The following CFAP74 variants were observed in gnomAD, a reference collection of about 807,000 sequenced individuals.
The protein encoded by CFAP74 is cilia- and flagella-associated protein 74.
In CFAP74, 124 loss-of-function variants were observed where a neutral mutation model predicts 188.9. That is an observed-to-expected ratio of 0.66 (90% confidence interval 0.57 to 0.76). The LOEUF (loss-of-function observed/expected upper bound fraction) is 0.76. CFAP74 is among the 30% of genes least tolerant of loss of function. The pLI, the probability that CFAP74 is intolerant of heterozygous loss-of-function variation, is 0.00. For missense variants in CFAP74, 2,198 were observed against 2,165.2 expected (o/e 1.02, Z -0.30); for synonymous variants, 956 against 916.7 (o/e 1.04, Z -0.77).
chr1:1,922,866 GA>G, intron 37 of CFAP74, 118 bp downstream of exon 37: 1 of 1,489,144 alleles, frequency 6.7e-7, no homozygotes, highest in Non-Finnish European at 9.0e-7. Flanking sequence ...GGAAGTCCGA[GA>G]AAAGCCCGGC....
chr1:1,940,498 G>A, intron 22 of CFAP74, 95 bp from the exon 23 acceptor site: 1 of 820,560 alleles, frequency 1.2e-6, no homozygotes, highest in Non-Finnish European at 1.9e-6. Flanking sequence ...CATCCCGTGA[G>A]AGCTACGGCG....
chr1:1,932,062 G>A (rs1346541525), intron 25 of CFAP74, among the ~76,000 whole-genome samples: 1 of 82,876 alleles, frequency 1.2e-5, no homozygotes, highest in Non-Finnish European at 2.1e-5. Context: ...TGAGACTCTC[G>A]CCTCAAAAAA....
chr1:1,969,774 C>G (rs552341620), intron 10 of CFAP74, among the ~76,000 whole-genome samples: 3 of 152,044 alleles, frequency 2.0e-5, no homozygotes, highest in Non-Finnish European at 4.4e-5. Flanking sequence ...GTGGGGAGGA[C>G]GCACTCAGGG....
At chr1:1,960,127 T>C (rs1358047672) in intron 14 of CFAP74, 97 bp from the exon 15 acceptor site, 3 of 1,038,782 alleles carry the variant, frequency 2.9e-6, no homozygotes, top group African/African-American at 1.7e-5. Flanking sequence ...CCTCCTGGCC[T>C]CCTCCCCATC....
chr1:1,975,910 G>A lies in CFAP74; in HGVS notation c.501-1712C>T, dbSNP rs916622242. Reference sequence around the variant, plus strand: ...GCAAGACGCTGTCCCAGATGCTGTCGTCGCCCATTCCTGCTGCTGTAGGAA... The same window carrying A: ...GCAAGACGCTGTCCCAGATGCTGTCATCGCCCATTCCTGCTGCTGTAGGAA... On this transcript the variant is annotated intron_variant, in intron 6 of 38. Transcript: ENST00000682832. This position sits in a 1 kb window ranked among gnomAD's most constrained non-coding sequence, Gnocchi z 4.5. 2.0e-5 allele frequency among the ~76,000 whole-genome samples: 3 copies of A among 152,130 alleles called. No homozygotes were observed. Among genetic ancestry groups the A allele is most frequent in the South Asian group, 2.1e-4 (1 of 4,830 alleles).
intron 13 of CFAP74, among the ~76,000 whole-genome samples, chr1:1,964,365 G>A (rs1159181784): frequency 1.3e-5 from 2 of 152,238 alleles, no homozygotes; most frequent in Admixed American, 6.5e-5. Context: ...CGGGGCCACG[G>A]CACCCCCATT....
At chr1:1,927,378 C>T (rs1186441291) in intron 28 of CFAP74, 5 of 583,508 alleles carry the variant, frequency 8.6e-6, no homozygotes, top group African/African-American at 1.9e-5. Flanking sequence ...TGGCTTTGCT[C>T]CCCACCCGTG....
At chr1:1,987,417 C>T (rs1657309058) in intron 4 of CFAP74, among the ~76,000 whole-genome samples, 1 of 152,190 alleles carries the variant, frequency 6.6e-6, no homozygotes, top group South Asian at 2.1e-4. Context: ...GAGAGCGGGC[C>T]AGGCAGGCCC....
chr1:1,926,968 G>C lies in CFAP74; in HGVS notation c.3588C>G (p.Asp1196Glu). 6.5e-7 allele frequency: 1 copy of C among 1,550,288 alleles called. No individual in the cohort carries two copies. The highest frequency in any genetic ancestry group is 2.4e-5 in the East Asian group (1 of 40,920). Residue 1196 changes from aspartate (D) to glutamate (E), a missense_variant, in exon 29 of 39, where the codon GAC (aspartate) becomes GAG (glutamate). Coordinates refer to ENST00000682832, the MANE Select transcript of CFAP74 (RefSeq NM_001304360.2). Reference sequence around the variant, plus strand: ...CAACAACACAGGGAACTACAAATGTGTCAAACTTCGCCTGGAACGCTCTGA... The same window carrying C: ...CAACAACACAGGGAACTACAAATGTCTCAAACTTCGCCTGGAACGCTCTGA... ...TLLRAFQAKF[D>E]TFVVPCVVAS...
chr1:1,923,094 A>G lies in CFAP74; in HGVS notation c.4574T>C (p.Ile1525Thr). 3 of 1,610,452 alleles carry G rather than the reference A, an allele frequency of 1.9e-6. No individual in the cohort carries two copies. Among genetic ancestry groups the G allele is most frequent in the Non-Finnish European group, 2.5e-6 (3 of 1,179,258 alleles). ...LSPEAEELRP[I>T]LVTLDYIQFD... ...CTGGATGTAGTCCAGGGTCACCAGG[A>G]TGGGCCTCAGCTCCTCAGCTTCTGG... Residue 1525 changes from isoleucine (I) to threonine (T), a missense_variant, in exon 37 of 39, where the codon ATC (isoleucine) becomes ACC (threonine). By Grantham distance (89) the Ile-to-Thr change is moderately conservative (BLOSUM62 -1). Coordinates refer to ENST00000682832, the MANE Select transcript of CFAP74 (RefSeq NM_001304360.2). This position sits in a 1 kb window ranked among gnomAD's most constrained non-coding sequence, Gnocchi z 6.3.
intron 24 of CFAP74, among the ~76,000 whole-genome samples, chr1:1,939,323 G>A (rs1351163083): frequency 6.6e-6 from 1 of 152,244 alleles, no homozygotes; most frequent in Non-Finnish European, 1.5e-5. Flanking sequence ...CAGCTACCTT[G>A]TGTGGCCCCA....
Position 1,926,984 on chromosome 1 carries a change from A to G in CFAP74, c.3572T>C (p.Phe1191Ser). 1 of 1,550,256 alleles carries G rather than the reference A, an allele frequency of 6.5e-7. No individual in the cohort carries two copies. The highest frequency in any genetic ancestry group is 8.7e-7 in the Non-Finnish European group (1 of 1,146,878). The change falls in exon 29 of 39, where the codon TTC becomes TCC. Residue 1191 changes from phenylalanine (F) to serine (S), a missense_variant. By Grantham distance (155) the Phe-to-Ser change is radical (BLOSUM62 -2). Transcript: ENST00000682832. The part of the protein sequence containing the change: ...QAARATLLRA[F>S]QAKFDTFVVP... ...TACAAATGTGTCAAACTTCGCCTGGAACGCTCTGAGCAGGGTGGCTCGGGC... is the reference window on the plus strand; with the variant it reads ...TACAAATGTGTCAAACTTCGCCTGGGACGCTCTGAGCAGGGTGGCTCGGGC...
chr1:1,928,830 C>A lies in CFAP74; in HGVS notation c.3341G>T (p.Arg1114Leu). 2 of 1,535,692 alleles carry A rather than the reference C, an allele frequency of 1.3e-6. No individual in the cohort carries two copies. The highest frequency in any genetic ancestry group is 2.4e-5 in the South Asian group (2 of 84,066). Residue 1114 changes from arginine (R) to leucine (L), a missense_variant, in exon 27 of 39, where the codon CGC becomes CTC. By Grantham distance (102) the Arg-to-Leu change is moderately radical. Transcript: ENST00000682832. ...GTTCAGGAGTGGGAGGGCTTCCTGGCGGATCAGCTTCTCGGGCAGCACTGG... is the reference window on the plus strand; with the variant it reads ...GTTCAGGAGTGGGAGGGCTTCCTGGAGGATCAGCTTCTCGGGCAGCACTGG... ...FRPVLPEKLIRQEALPLLNKE... is the reference protein window; with the variant it reads ...FRPVLPEKLILQEALPLLNKE...
chr1:1,939,254 G>A (rs901246538), intron 24 of CFAP74, among the ~76,000 whole-genome samples: 4 of 152,254 alleles, frequency 2.6e-5, no homozygotes, highest in African/African-American at 9.6e-5. Flanking sequence ...GAGGATGGCG[G>A]TGTTGGCGGC....
In CFAP74 at chr1:1,956,684, G is replaced by C. The variant is rs1654654330; in HGVS notation, c.1952C>G (p.Thr651Ser). 1 of 1,614,002 alleles carries C rather than the reference G, an allele frequency of 6.2e-7. No homozygotes were observed. The highest frequency in any genetic ancestry group is 1.3e-5 in the African/African-American group (1 of 74,952). ...TLTNVGGLGT[T>S]FKFLPASEPC... ...CTCTGAAGCTGGCAGGAACTTGAAA[G>C]TCGTGCCCAAGCCCCCAACGTTGGT... Residue 651 changes from threonine to serine, a missense_variant, in exon 17 of 39, where the codon ACT (threonine) becomes AGT (serine). Transcript: ENST00000682832.
chr1:1,939,620 C>A lies in CFAP74; in HGVS notation c.2851G>T (p.Glu951Ter), dbSNP rs1372646308. The A allele has an allele frequency of 1.3e-6, 2 of 1,535,866 alleles. No homozygotes were observed. The highest frequency in any genetic ancestry group is 2.7e-5 in the African/African-American group (2 of 73,018). Residue 951 changes from glutamate (E) to a stop codon, truncating the protein, a stop_gained, in exon 24 of 39, where the codon GAG (glutamate) becomes TAG (stop). Transcript: ENST00000682832. LOFTEE classifies it high-confidence loss of function. The stretch of plus-strand genomic sequence containing the variant: ...TTGGGAAGCCTGACGAACCCGAACT[C>A]CTGGGGCAGGAGCGAGTGGTTGTGG... ...SLHNHSLLPQ[E>*]FGFVRLPKFV...
chr1:1,999,941 G>A (rs543680317), intron 1 of CFAP74, among the ~76,000 whole-genome samples: 56 of 152,210 alleles, frequency 3.7e-4, no homozygotes, highest in African/African-American at 1.2e-3. Context: ...TGAGGCGGGC[G>A]GATCATGAGG....
rs762919676 is a variant in CFAP74 at position 1,925,823 on chromosome 1, C to A, written c.4064G>T (p.Gly1355Val). Residue 1355 changes from glycine to valine, a missense_variant, in exon 33 of 39, where the codon GGC (glycine) becomes GTC (valine). Coordinates refer to ENST00000682832, the MANE Select transcript of CFAP74 (RefSeq NM_001304360.2). ...CSIEGSVLNM[G>V]YVIAGESVSS... Reference sequence around the variant, plus strand: ...CACAGACTCTCCGGCAATCACATAGCCCATGTTGAGGACGCTGCCTTCAAT... The same window carrying A: ...CACAGACTCTCCGGCAATCACATAGACCATGTTGAGGACGCTGCCTTCAAT... 1.3e-5 allele frequency: 21 copies of A among 1,612,574 alleles called. No homozygotes were observed. Among genetic ancestry groups the A allele is most frequent in the Non-Finnish European group, 1.7e-5 (20 of 1,179,906 alleles).
chr1:1,955,652 C>T (rs774261814), intron 18 of CFAP74, 39 bp downstream of exon 18: 32 of 1,613,120 alleles, frequency 2.0e-5, no homozygotes, highest in East Asian at 1.1e-4. Flanking sequence ...AGGCCCTCAC[C>T]GCCCGCCCAC....
Sources: allele counts gnomAD v4.1 joint callset (sites outside exome capture counted in the v4.1 genomes callset), GRCh38; gene constraint gnomAD v4.1.1; non-coding constraint Gnocchi (gnomAD v3.1); transcripts MANE v1.5; gene names NCBI Gene and HGNC (gene_info 2026-07-23, HGNC 2026-07-21).